The following BPIFC variants were observed in gnomAD, a reference collection of about 807,000 sequenced individuals.
BPIFC encodes the protein BPI fold-containing family C protein.
BPIFC carries 60 observed loss-of-function variants against 57.6 expected under a neutral mutation model. That is an observed-to-expected ratio of 1.04 (90% confidence interval 0.85 to 1.29). The LOEUF is 1.29. Ranked by LOEUF, BPIFC falls within the 50% of genes most tolerant of loss-of-function variation. The pLI, the probability that BPIFC is intolerant of heterozygous loss-of-function variation, is 0.00. For missense variants in BPIFC, 581 were observed against 600.5 expected, an observed-to-expected ratio of 0.97 and a Z score of 0.34; for synonymous variants, 243 against 224.5, an observed-to-expected ratio of 1.08 and a Z score of -0.74.
rs1933908386 is a variant in BPIFC at position 32,423,577 on chromosome 22, G to GTGTGTGT, written c.1218-4174_1218-4173insACACACA. Reference sequence around the variant, plus strand: ...TGCTTGGGAGGAGTTGTAGGGTGTGGGTGTGTGTGTGTGTGTGTGTGTGTG... The same window carrying GTGTGTGT: ...TGCTTGGGAGGAGTTGTAGGGTGTGGTGTGTGTGTGTGTGTGTGTGTGTGTGTGTGTG... On this transcript the variant is annotated intron_variant, in intron 13 of 16. Coordinates refer to ENST00000300399, the MANE Select transcript of BPIFC (RefSeq NM_174932.3). Among the ~76,000 whole-genome samples the GTGTGTGT allele has an allele frequency of 2.8e-3, 406 of 143,244 alleles. 2 individuals carry two copies. Among genetic ancestry groups the GTGTGTGT allele is most frequent in the African/African-American group, 9.3e-3 (349 of 37,442 alleles). 94.0% of individuals were successfully genotyped at this position (143,244 alleles called of 152,430 possible).
At chr22:32,416,132 T>A in intron 15 of BPIFC, 141 bp from the exon 16 acceptor site, 1 of 536,120 alleles carries the variant, frequency 1.9e-6, no homozygotes, top group South Asian at 2.2e-5. Flanking sequence ...CAGGCTGGAA[T>A]GTAATGGTGT....
chr22:32,448,300 C>T (rs1162784495), intron 4 of BPIFC, among the ~76,000 whole-genome samples: 1 of 151,912 alleles, frequency 6.6e-6, no homozygotes, highest in Non-Finnish European at 1.5e-5. Context: ...GATCTCCTGA[C>T]CTGACCTCGT....
chr22:32,442,645 C>A (rs748785503), intron 8 of BPIFC, 26 bp downstream of exon 8: 1 of 1,607,318 alleles, frequency 6.2e-7, no homozygotes, highest in Non-Finnish European at 8.5e-7. Context: ...AGACAACCAT[C>A]TGGAAAAGAC....
intron 2 of BPIFC, among the ~76,000 whole-genome samples, chr22:32,458,491 T>C (rs905071035): frequency 6.6e-6 from 1 of 152,224 alleles, no homozygotes; most frequent in Non-Finnish European, 1.5e-5. Flanking sequence ...CATCATCTAG[T>C]GTAGTATCCA....
chr22:32,452,889 G>A (rs1215122886), intron 4 of BPIFC, among the ~76,000 whole-genome samples: 1 of 152,100 alleles, frequency 6.6e-6, no homozygotes, highest in Non-Finnish European at 1.5e-5. Context: ...CTGCCTTTGG[G>A]GCTTTTGCTG....
intron 8 of BPIFC, among the ~76,000 whole-genome samples, chr22:32,442,011 A>G (rs1184094081): frequency 6.6e-6 from 1 of 152,208 alleles, no homozygotes; most frequent in African/African-American, 2.4e-5. Context: ...TCAGGCAGTA[A>G]TGCTCAGTCG....
intron 8 of BPIFC, 64 bp from the exon 9 acceptor site, chr22:32,437,915 T>C (rs1569451915): frequency 1.1e-6 from 1 of 921,468 alleles, no homozygotes; most frequent in Non-Finnish European, 1.7e-6. Context: ...AATATATGAA[T>C]GATGTCTATC....
chr22:32,430,087 T>G (rs1198832647), intron 13 of BPIFC, among the ~76,000 whole-genome samples: 1 of 152,198 alleles, frequency 6.6e-6, no homozygotes, highest in Non-Finnish European at 1.5e-5. Context: ...TGGTCAATGA[T>G]CTGCGTCTGT....
intron 4 of BPIFC, among the ~76,000 whole-genome samples, chr22:32,449,732 A>G (rs1601477932): frequency 6.7e-6 from 1 of 149,010 alleles, no homozygotes; most frequent in South Asian, 2.1e-4. Flanking sequence ...GTGTACATGT[A>G]CTTCTCTTTT....
At chr22:32,448,675 C>T (rs1215715821) in intron 4 of BPIFC, among the ~76,000 whole-genome samples, 1 of 152,028 alleles carries the variant, frequency 6.6e-6, no homozygotes, top group Non-Finnish European at 1.5e-5. Flanking sequence ...CGCGGTGGCT[C>T]ACGCCTGTAA....
At position 32,457,343 on chromosome 22, in the gene BPIFC, A is replaced by G. The variant is rs1227145878; in HGVS notation, c.44T>C (p.Leu15Pro). ...AGAGGATGAGACATAGAGATTCCACAGGAGGAAACATCCCCAGAGGACTGG... is the reference window on the plus strand; with the variant it reads ...AGAGGATGAGACATAGAGATTCCACGGGAGGAAACATCCCCAGAGGACTGG... Reference protein sequence around the residue: ...TIPVLWGCFLLWNLYVSSSQT... With the variant: ...TIPVLWGCFLPWNLYVSSSQT... Residue 15 changes from leucine (L) to proline (P), a missense_variant, in exon 3 of 17, where the codon CTG (leucine) becomes CCG (proline). Leu to Pro is a moderately conservative substitution (Grantham distance 98). Coordinates refer to ENST00000300399, the MANE Select transcript of BPIFC (RefSeq NM_174932.3). The G allele has an allele frequency of 1.9e-6, 3 of 1,610,722 alleles. No individual in the cohort carries two copies. Among genetic ancestry groups the G allele is most frequent in the Non-Finnish European group, 2.5e-6 (3 of 1,179,072 alleles).
At chr22:32,417,059 C>A in intron 15 of BPIFC, 26 bp downstream of exon 15, 1 of 1,544,718 alleles carries the variant, frequency 6.5e-7, no homozygotes, top group South Asian at 1.1e-5. Context: ...ATGTTACAGT[C>A]ACATTGTTTT....
chr22:32,430,183 T>C (rs945227674), intron 13 of BPIFC, among the ~76,000 whole-genome samples: 3 of 152,206 alleles, frequency 2.0e-5, no homozygotes, highest in African/African-American at 7.2e-5. Context: ...TTCTCTGTTC[T>C]AGTAATGGGA....
intron 4 of BPIFC, among the ~76,000 whole-genome samples, chr22:32,447,646 C>T (rs1376886992): frequency 6.9e-6 from 1 of 144,594 alleles, no homozygotes. Context: ...TCATTTGTCT[C>T]CCAGGTTGGA....
intron 8 of BPIFC, among the ~76,000 whole-genome samples, chr22:32,440,678 A>G (rs545489615): frequency 7.9e-5 from 12 of 152,134 alleles, no homozygotes; most frequent in South Asian, 2.1e-4. Context: ...CAATTTTCCA[A>G]TTGCTTAGGG....
chr22:32,451,800 C>G (rs1455232724), intron 4 of BPIFC, among the ~76,000 whole-genome samples: 6 of 152,146 alleles, frequency 3.9e-5, no homozygotes, highest in Non-Finnish European at 8.8e-5. Context: ...TCTGCTGTGG[C>G]ATTATTACTG....
At chr22:32,417,794 C>T (rs1476792719) in intron 14 of BPIFC, among the ~76,000 whole-genome samples, 1 of 152,174 alleles carries the variant, frequency 6.6e-6, no homozygotes, top group Non-Finnish European at 1.5e-5. Context: ...ATCTCGGCCA[C>T]AGGAGTTCCC....
At position 32,435,893 on chromosome 22, in the gene BPIFC, A is replaced by G. The variant is rs371776900; in HGVS notation, c.748-13T>C. ...GGTAGAATACACCCTGTGGGAAAAG[A>G]GAGAGAAAGACCAGTGTATCAGGTG... On this transcript the variant is annotated splice_polypyrimidine_tract_variant and intron_variant, in intron 9 of 16. Coordinates refer to ENST00000300399, the MANE Select transcript of BPIFC (RefSeq NM_174932.3). The G allele has an allele frequency of 2.4e-4, 379 of 1,605,704 alleles. No individual in the cohort carries two copies. The highest frequency in any genetic ancestry group is 3.1e-4 in the Non-Finnish European group (366 of 1,177,650).
chr22:32,433,058 C>G (rs1934292793), intron 11 of BPIFC, among the ~76,000 whole-genome samples: 2 of 152,150 alleles, frequency 1.3e-5, no homozygotes, highest in African/African-American at 4.8e-5. Context: ...GAAAAATTAG[C>G]TGGGCATAGT....
Sources: allele counts gnomAD v4.1 joint callset (sites outside exome capture counted in the v4.1 genomes callset), GRCh38; gene constraint gnomAD v4.1.1; transcripts MANE v1.5; gene names NCBI Gene and HGNC (gene_info 2026-07-23, HGNC 2026-07-21).